Variants in PSMD9 observed in about 807,000 individuals in gnomAD.
PSMD9 encodes 26S proteasome non-ATPase regulatory subunit 9.
PSMD9 carries 26 observed loss-of-function variants against 25.9 expected under a neutral mutation model. That is an observed-to-expected ratio of 1.00 (90% CI 0.73 to 1.39). The LOEUF (loss-of-function observed/expected upper bound fraction) is 1.39, where lower values mean the gene tolerates loss of function less well. Ranked by LOEUF, PSMD9 falls within the 40% of genes most tolerant of loss-of-function variation. The pLI is 0.00. For synonymous variants in PSMD9, 110 were observed against 114.5 expected (o/e 0.96, Z 0.25); for missense variants, 303 against 299.3 (o/e 1.01, Z -0.09).
intron 1 of PSMD9, 62 bp downstream of exon 1, chr12:121,889,056 G>A: frequency 6.5e-7 from 1 of 1,528,440 alleles, no homozygotes; most frequent in Non-Finnish European, 8.8e-7. Flanking sequence ...TGGGGTACTG[G>A]GATGCCAGGG....
rs996730419 is a variant in PSMD9 at position 121,917,206 on chromosome 12, C to G, written c.*895C>G. 6.8e-6 allele frequency: 1 copy of G among 147,698 alleles called. No individual in the cohort carries two copies. Among genetic ancestry groups the G allele is most frequent in the African/African-American group, 2.5e-5 (1 of 40,274 alleles). 9.1% of individuals were successfully genotyped at this position (147,698 alleles called of 1,614,324 possible). A position where few individuals can be genotyped will look rare whatever the true frequency, so the allele number is the denominator to read the frequency against. On this transcript the variant is annotated 3_prime_UTR_variant, in exon 6 of 6. Coordinates refer to ENST00000541212, the MANE Select transcript of PSMD9 (RefSeq NM_002813.7). The stretch of plus-strand genomic sequence containing the variant: ...CTCCCTGTGTTGACCAGGTTGGTCT[C>G]GAACTCCTGGGCTCAAGCAGTCCTC...
chr12:121,891,456 T>C (rs1481365528), intron 1 of PSMD9, among the ~76,000 whole-genome samples: 3 of 149,306 alleles, frequency 2.0e-5, no homozygotes, highest in Non-Finnish European at 4.5e-5. Context: ...AAAAATTAGC[T>C]GGACGTGGTG....
At chr12:121,905,705 T>C (rs760700157) in intron 4 of PSMD9, among the ~76,000 whole-genome samples, 2 of 151,790 alleles carry the variant, frequency 1.3e-5, no homozygotes, top group Non-Finnish European at 1.5e-5. Flanking sequence ...TTTTTTTTTG[T>C]ATTTTTAGTA....
intron 1 of PSMD9, among the ~76,000 whole-genome samples, chr12:121,892,027 A>T (rs1195172185): frequency 2.0e-5 from 3 of 152,096 alleles, no homozygotes; most frequent in Non-Finnish European, 4.4e-5. Context: ...CACCAAAAAC[A>T]CAAGCTACAA....
chr12:121,906,269 G>A (rs560930351), intron 4 of PSMD9, among the ~76,000 whole-genome samples: 5 of 152,208 alleles, frequency 3.3e-5, no homozygotes, highest in Admixed American at 2.0e-4. Context: ...GGAGAAGGTC[G>A]TGTGTTGTGA....
intron 4 of PSMD9, chr12:121,910,810 G>T: frequency 2.9e-6 from 1 of 341,050 alleles, no homozygotes; most frequent in East Asian, 7.6e-5. Context: ...ACACTTTAGT[G>T]GCATTAAGTA....
intron 1 of PSMD9, chr12:121,894,518 C>T (rs369652771): frequency 2.0e-6 from 1 of 511,570 alleles, no homozygotes; most frequent in African/African-American, 1.9e-5. Flanking sequence ...AGAATGGATT[C>T]ATGCATTACT....
chr12:121,902,911 G>A lies in PSMD9; in HGVS notation c.454-95G>A, dbSNP rs559860013. 81 of 990,622 alleles carry A rather than the reference G, an allele frequency of 8.2e-5. No homozygotes were observed. The East Asian group carries it at 1.7e-3, about 21-fold the overall frequency. 61.4% of individuals were successfully genotyped at this position (990,622 alleles called of 1,614,324 possible). A position where few individuals can be genotyped will look rare whatever the true frequency, so the allele number is the denominator to read the frequency against. Reference sequence around the variant, plus strand: ...AGCCTACCCTGTAGAAAACAAGCTCGTGACCTTGGCATTAAATTGGGTATT... The same window carrying A: ...AGCCTACCCTGTAGAAAACAAGCTCATGACCTTGGCATTAAATTGGGTATT... On this transcript the variant is annotated intron_variant, in intron 3 of 5. Coordinates refer to ENST00000541212, the MANE Select transcript of PSMD9 (RefSeq NM_002813.7).
At chr12:121,906,065 G>A (rs1269147867) in intron 4 of PSMD9, among the ~76,000 whole-genome samples, 1 of 150,268 alleles carries the variant, frequency 6.7e-6, no homozygotes, top group Non-Finnish European at 1.5e-5. Flanking sequence ...GGATCTGTGA[G>A]AAGAGCTGCT....
At chr12:121,912,579 A>G (rs569750897) in intron 4 of PSMD9, among the ~76,000 whole-genome samples, 2 of 152,218 alleles carry the variant, frequency 1.3e-5, no homozygotes, top group South Asian at 4.1e-4. Context: ...AGAAATGTCT[A>G]TTTAGGCTGG....
At chr12:121,901,645 A>G (rs1879399321) in intron 3 of PSMD9, among the ~76,000 whole-genome samples, 1 of 141,404 alleles carries the variant, frequency 7.1e-6, no homozygotes, top group African/African-American at 2.8e-5. Context: ...ATGAGCTGTC[A>G]TGCCTGGCCC....
At position 121,888,854 on chromosome 12, in the gene PSMD9, A is replaced by C; in HGVS notation, c.-3A>C. 6.2e-7 allele frequency: 1 copy of C among 1,602,002 alleles called. No individual in the cohort carries two copies. Among genetic ancestry groups the C allele is most frequent in the Non-Finnish European group, 8.5e-7 (1 of 1,175,410 alleles). On this transcript the variant is annotated 5_prime_UTR_variant, in exon 1 of 6. Coordinates refer to ENST00000541212, the MANE Select transcript of PSMD9 (RefSeq NM_002813.7). ...TCTCTGGAGTCGCGGCCCGGGGTTCACGATGTCCGACGAGGAAGCGAGGCA... is the reference window on the plus strand; with the variant it reads ...TCTCTGGAGTCGCGGCCCGGGGTTCCCGATGTCCGACGAGGAAGCGAGGCA...
At chr12:121,893,469 C>G (rs1265820230) in intron 1 of PSMD9, among the ~76,000 whole-genome samples, 2 of 152,224 alleles carry the variant, frequency 1.3e-5, no homozygotes, top group Admixed American at 6.5e-5. Flanking sequence ...CTGAGGCCAC[C>G]TTAACACCAC....
chr12:121,889,027 T>G (rs1184279770), intron 1 of PSMD9, 33 bp downstream of exon 1: 1 of 1,561,952 alleles, frequency 6.4e-7, no homozygotes. Context: ...CCAAGTCGCC[T>G]AACCCGGCCC....
At chr12:121,889,032 C>T (rs776399335) in intron 1 of PSMD9, 38 bp downstream of exon 1, 2 of 1,557,636 alleles carry the variant, frequency 1.3e-6, no homozygotes, top group South Asian at 1.2e-5. Context: ...TCGCCTAACC[C>T]GGCCCGGAGT....
intron 1 of PSMD9, 60 bp from the exon 2 acceptor site, chr12:121,894,678 GA>G (rs1879179096): frequency 2.1e-6 from 3 of 1,433,008 alleles, no homozygotes; most frequent in Non-Finnish European, 2.9e-6. Flanking sequence ...AGGGTCTGGG[GA>G]AAGACATCCT....
chr12:121,912,982 G>T (rs1397378416), intron 4 of PSMD9, among the ~76,000 whole-genome samples: 7 of 149,502 alleles, frequency 4.7e-5, no homozygotes, highest in Non-Finnish European at 1.0e-4. Flanking sequence ...TGTCACCCAG[G>T]CTGGAGTGCA....
At chr12:121,904,401 C>T (rs763808297) in intron 4 of PSMD9, among the ~76,000 whole-genome samples, 27 of 148,948 alleles carry the variant, frequency 1.8e-4, no homozygotes, top group Non-Finnish European at 3.1e-4. Context: ...GGTGAAACCC[C>T]GTCTCTACTA....
Position 121,894,720 on chromosome 12 carries a change from C to T in PSMD9, c.139-19C>T, listed in dbSNP as rs1879180548. The T allele has an allele frequency of 2.5e-6, 4 of 1,610,914 alleles. No individual in the cohort carries two copies. The highest frequency in any genetic ancestry group is 2.5e-6 in the Non-Finnish European group (3 of 1,177,298). ...CATTACACCCATGAGCACCTTTTAA[C>T]CACGTTTCTTTCCTCCAGCAAAAAG... On this transcript the variant is annotated intron_variant, in intron 1 of 5. Coordinates refer to ENST00000541212, the MANE Select transcript of PSMD9 (RefSeq NM_002813.7).
Sources: allele counts gnomAD v4.1 joint callset (sites outside exome capture counted in the v4.1 genomes callset), GRCh38; gene constraint gnomAD v4.1.1; transcripts MANE v1.5; gene names NCBI Gene and HGNC (gene_info 2026-07-23, HGNC 2026-07-21).